CLDN10: variants seen among roughly 807,000 people sequenced by gnomAD.
The protein encoded by CLDN10 is claudin 10.
A neutral mutation model predicts 22.9 loss-of-function variants in CLDN10; 15 were observed. That is an observed-to-expected ratio of 0.65 (90% confidence interval 0.44 to 1.01). The LOEUF (loss-of-function observed/expected upper bound fraction) is 1.01. Ranked by LOEUF, CLDN10 falls within the 50% of genes least tolerant of loss-of-function variation. The pLI is 0.00. For synonymous variants in CLDN10, 114 were observed against 111.4 expected, an observed-to-expected ratio of 1.02 and a Z score of -0.15; for missense variants, 247 against 287.8, an observed-to-expected ratio of 0.86 and a Z score of 1.03.
At chr13:95,576,028 C>T (rs1205752779) in intron 3 of CLDN10, among the ~76,000 whole-genome samples, 1 of 152,186 alleles carries the variant, frequency 6.6e-6, no homozygotes, top group Non-Finnish European at 1.5e-5. Context: ...CACCACCCTG[C>T]CTGCGACTCA....
At chr13:95,531,504 A>G (rs561998855) in intron 1 of CLDN10, among the ~76,000 whole-genome samples, 13 of 152,154 alleles carry the variant, frequency 8.5e-5, no homozygotes, top group African/African-American at 2.4e-4. Context: ...AAATTAAAAG[A>G]AGGAAACTTT....
At chr13:95,471,467 T>C (rs1197681967) in intron 1 of CLDN10, among the ~76,000 whole-genome samples, 3 of 129,968 alleles carry the variant, frequency 2.3e-5, no homozygotes, top group African/African-American at 8.2e-5. Flanking sequence ...TTTTTTTTTT[T>C]TTTGAGATGG....
intron 1 of CLDN10, among the ~76,000 whole-genome samples, chr13:95,459,822 T>C (rs2042518008): frequency 6.6e-6 from 1 of 152,264 alleles, no homozygotes; most frequent in Non-Finnish European, 1.5e-5. Flanking sequence ...GGTTTTCTTT[T>C]ATATTGCATT....
intron 1 of CLDN10, among the ~76,000 whole-genome samples, chr13:95,539,169 G>T (rs1288557002): frequency 6.6e-6 from 1 of 152,130 alleles, no homozygotes; most frequent in African/African-American, 2.4e-5. Context: ...GTGAGCCACC[G>T]TGCCCAGCTG....
intron 1 of CLDN10, among the ~76,000 whole-genome samples, chr13:95,450,431 G>T (rs78628387): frequency 6.6e-6 from 1 of 152,018 alleles, no homozygotes; most frequent in African/African-American, 2.4e-5. Context: ...TCTTTTTCTC[G>T]TGTTGCTCTG....
chr13:95,560,106 A>G (rs1444606271), intron 1 of CLDN10, 26 bp from the exon 2 acceptor site: 23 of 1,581,852 alleles, frequency 1.5e-5, no homozygotes, highest in Non-Finnish European at 2.0e-5. Flanking sequence ...GCTTTATGTA[A>G]CGTAAATGAC....
chr13:95,466,271 CT>C (rs533013778), intron 1 of CLDN10, among the ~76,000 whole-genome samples: 2 of 151,266 alleles, frequency 1.3e-5, no homozygotes, highest in African/African-American at 4.9e-5. Context: ...CTTTTTCTTT[CT>C]TTTTTTTGAT....
At chr13:95,474,897 G>A (rs1275836038) in intron 1 of CLDN10, among the ~76,000 whole-genome samples, 1 of 152,176 alleles carries the variant, frequency 6.6e-6, no homozygotes, top group African/African-American at 2.4e-5. Flanking sequence ...GGTGCCAGAG[G>A]GAGGCTTGAG....
intron 1 of CLDN10, among the ~76,000 whole-genome samples, chr13:95,478,649 C>A (rs900645604): frequency 1.3e-5 from 2 of 152,188 alleles, no homozygotes; most frequent in Non-Finnish European, 2.9e-5. Context: ...GGGCCACGTT[C>A]CTCAGCGCTT....
At chr13:95,492,996 G>C (rs969541494) in intron 1 of CLDN10, among the ~76,000 whole-genome samples, 1 of 152,130 alleles carries the variant, frequency 6.6e-6, no homozygotes. Flanking sequence ...TCCCACTTCC[G>C]CAGTTGGGGC....
At chr13:95,485,252 G>A (rs1048278448) in intron 1 of CLDN10, among the ~76,000 whole-genome samples, 2 of 151,646 alleles carry the variant, frequency 1.3e-5, no homozygotes, top group African/African-American at 2.4e-5. Flanking sequence ...ACAGGCTGAC[G>A]GGGACCTGAA....
chr13:95,490,668 C>T (rs2042863415), intron 1 of CLDN10, among the ~76,000 whole-genome samples: 1 of 151,912 alleles, frequency 6.6e-6, no homozygotes, highest in South Asian at 2.1e-4. Flanking sequence ...TCTATTGAGG[C>T]TCATTTTGTG....
rs757685709 is a variant in CLDN10, at chr13:95,552,952, C to G, written c.199C>G (p.Pro67Ala). 1.3e-5 allele frequency: 21 copies of G among 1,614,034 alleles called. No individual in the cohort carries two copies. Among genetic ancestry groups the G allele is most frequent in the Non-Finnish European group, 1.7e-5 (20 of 1,179,956 alleles). Residue 67 changes from proline (P) to alanine (A), a missense_variant, in exon 1 of 5, where the codon CCC (proline) becomes GCC (alanine). Physicochemically the swap from Pro to Ala is conservative, Grantham distance 27 (BLOSUM62 -1). Transcript: ENST00000299339. ...GGGCGTCTCCAACTGCAAGGACTTCCCCTCCATGCTGGCGCTGGACGGTCT... is the reference window on the plus strand; with the variant it reads ...GGGCGTCTCCAACTGCAAGGACTTCGCCTCCATGCTGGCGCTGGACGGTCT... ...STGVSNCKDF[P>A]SMLALDGYIQ...
At chr13:95,473,476 G>A (rs902532783) in intron 1 of CLDN10, among the ~76,000 whole-genome samples, 20 of 152,384 alleles carry the variant, frequency 1.3e-4, no homozygotes, top group South Asian at 2.1e-4. Flanking sequence ...AAGTGATGAG[G>A]ATGGGGGGCC....
chr13:95,543,509 A>G (rs1385638720), intron 1 of CLDN10, among the ~76,000 whole-genome samples: 2 of 152,206 alleles, frequency 1.3e-5, no homozygotes, highest in Non-Finnish European at 2.9e-5. Context: ...TATTCCAGGT[A>G]GCAAAACAAA....
chr13:95,542,880 ACACT>A (rs2043473365), intron 1 of CLDN10, among the ~76,000 whole-genome samples: 1 of 152,214 alleles, frequency 6.6e-6, no homozygotes, highest in Non-Finnish European at 1.5e-5. Flanking sequence ...GTAAAAACTC[ACACT>A]CACATTTGTC....
intron 1 of CLDN10, among the ~76,000 whole-genome samples, chr13:95,538,761 G>C (rs1288820874): frequency 6.6e-6 from 1 of 152,062 alleles, no homozygotes; most frequent in Admixed American, 6.5e-5. Flanking sequence ...AGCCAACACC[G>C]TTGTCCTGCT....
At chr13:95,518,915 T>G (rs1293969844) in intron 1 of CLDN10, among the ~76,000 whole-genome samples, 1 of 152,108 alleles carries the variant, frequency 6.6e-6, no homozygotes, top group Non-Finnish European at 1.5e-5. Flanking sequence ...CACAAAAGTA[T>G]TTTGGTTTAG....
chr13:95,504,426 G>C (rs940403950), intron 1 of CLDN10, among the ~76,000 whole-genome samples: 2 of 151,756 alleles, frequency 1.3e-5, no homozygotes, highest in African/African-American at 4.8e-5. Context: ...TGTCACCCAG[G>C]TGGAGTGCAG....
Sources: allele counts gnomAD v4.1 joint callset (sites outside exome capture counted in the v4.1 genomes callset), GRCh38; gene constraint gnomAD v4.1.1; transcripts MANE v1.5; gene names NCBI Gene and HGNC (gene_info 2026-07-23, HGNC 2026-07-21).